Variants in MAN1C1 observed in about 807,000 individuals in gnomAD.
The protein encoded by MAN1C1 is mannosidase alpha class 1C member 1.
MAN1C1 carries 49 observed loss-of-function variants against 71.5 expected under a neutral mutation model. The ratio of observed to expected loss-of-function variants is 0.69; its 90% confidence interval spans 0.54 to 0.87. MAN1C1 has a LOEUF of 0.87. MAN1C1 is among the 40% of genes least tolerant of loss of function. MAN1C1 has a pLI of 0.00. For missense variants in MAN1C1, 743 were observed against 835.0 expected, an observed-to-expected ratio of 0.89 and a Z score of 1.36; for synonymous variants, 352 against 343.7, an observed-to-expected ratio of 1.02 and a Z score of -0.27.
rs2047123824 is a variant in MAN1C1 at position 25,746,048 on chromosome 1, G to A, written c.638-620G>A. On this transcript the variant is annotated intron_variant, in intron 2 of 11. Coordinates refer to ENST00000374332, the MANE Select transcript of MAN1C1 (RefSeq NM_020379.4). This position sits in a 1 kb window ranked among gnomAD's most constrained non-coding sequence, Gnocchi z 4.0. ...ATGAGGTGGCTCACGGCTCACGCCTGTAATCCAGCACTTTGGGAGGCCGAA... is the reference window on the plus strand; with the variant it reads ...ATGAGGTGGCTCACGGCTCACGCCTATAATCCAGCACTTTGGGAGGCCGAA... Among the ~76,000 whole-genome samples the A allele has an allele frequency of 6.6e-6, 1 of 151,922 alleles. No individual in the cohort carries two copies. The highest frequency in any genetic ancestry group is 1.5e-5 in the Non-Finnish European group (1 of 67,998).
intron 2 of MAN1C1, among the ~76,000 whole-genome samples, chr1:25,690,922 A>G (rs1344329044): frequency 6.6e-6 from 1 of 152,240 alleles, no homozygotes; most frequent in Non-Finnish European, 1.5e-5. Flanking sequence ...CCAGCCGTAA[A>G]GTGGCTCAGT....
At chr1:25,621,461 T>C (rs745520070) in intron 1 of MAN1C1, among the ~76,000 whole-genome samples, 1 of 152,160 alleles carries the variant, frequency 6.6e-6, no homozygotes, top group African/African-American at 2.4e-5. Flanking sequence ...ATGGGGGATG[T>C]CATTCATAGG....
intron 2 of MAN1C1, among the ~76,000 whole-genome samples, chr1:25,715,077 G>C (rs1356485011): frequency 1.3e-5 from 2 of 152,128 alleles, no homozygotes; most frequent in East Asian, 3.8e-4. Context: ...TGTTTTCACT[G>C]TCTTCATTCT....
chr1:25,718,860 T>G (rs1355462876), intron 2 of MAN1C1, among the ~76,000 whole-genome samples: 1 of 152,168 alleles, frequency 6.6e-6, no homozygotes, highest in African/African-American at 2.4e-5. Flanking sequence ...TTCCACTTTT[T>G]GGCTACTATG....
chr1:25,697,755 A>T (rs973324188), intron 2 of MAN1C1, among the ~76,000 whole-genome samples: 1 of 152,186 alleles, frequency 6.6e-6, no homozygotes, highest in African/African-American at 2.4e-5. Context: ...TAGGATTTGA[A>T]TTGCTGGGTC....
chr1:25,685,208 G>T (rs1347787708), intron 1 of MAN1C1, among the ~76,000 whole-genome samples: 2 of 152,248 alleles, frequency 1.3e-5, no homozygotes, highest in Non-Finnish European at 2.9e-5. Context: ...GGCCTGCCTT[G>T]TCCCTTGCTA....
intron 2 of MAN1C1, among the ~76,000 whole-genome samples, chr1:25,739,363 G>A (rs1029625926): frequency 1.3e-5 from 2 of 152,186 alleles, no homozygotes; most frequent in African/African-American, 4.8e-5. Flanking sequence ...AAACGTGTGT[G>A]TTGTTTCTTT....
At chr1:25,758,730 TCTTC>T in intron 6 of MAN1C1, 21 bp downstream of exon 6, 1 of 1,596,238 alleles carries the variant, frequency 6.3e-7, no homozygotes, top group Non-Finnish European at 8.6e-7. Flanking sequence ...TCCCCACCCT[TCTTC>T]CTGCGGAGCA....
At chr1:25,686,575 C>T in intron 2 of MAN1C1, 39 bp downstream of exon 2, 2 of 1,560,732 alleles carry the variant, frequency 1.3e-6, no homozygotes, top group Non-Finnish European at 1.8e-6. Flanking sequence ...GGGAGGGACC[C>T]ACCGCCCCGC....
intron 1 of MAN1C1, among the ~76,000 whole-genome samples, chr1:25,657,571 C>T (rs1002609543): frequency 7.9e-5 from 12 of 152,228 alleles, no homozygotes; most frequent in African/African-American, 2.7e-4. Context: ...AGACTAAGGG[C>T]TTCACACTCC....
intron 2 of MAN1C1, among the ~76,000 whole-genome samples, chr1:25,742,892 C>T (rs933689865): frequency 6.6e-6 from 1 of 152,220 alleles, no homozygotes; most frequent in African/African-American, 2.4e-5. Flanking sequence ...TCTCCCTGAC[C>T]TCGTTGCCCT....
intron 2 of MAN1C1, among the ~76,000 whole-genome samples, chr1:25,714,686 T>C (rs908432050): frequency 2.3e-4 from 35 of 152,302 alleles, no homozygotes; most frequent in African/African-American, 7.9e-4. Flanking sequence ...TAGGGGAATT[T>C]TTGCAATGCT....
chr1:25,758,446 A>G (rs1354614253), intron 5 of MAN1C1, 146 bp from the exon 6 acceptor site: 2 of 671,920 alleles, frequency 3.0e-6, no homozygotes, highest in Non-Finnish European at 5.3e-6. Flanking sequence ...GGGGCCAGGG[A>G]GGATTCACTG....
At chr1:25,639,690 A>G (rs545804484) in intron 1 of MAN1C1, among the ~76,000 whole-genome samples, 1 of 152,154 alleles carries the variant, frequency 6.6e-6, no homozygotes, top group Non-Finnish European at 1.5e-5. Flanking sequence ...AATCAAATGC[A>G]TGAACTTCAG....
At chr1:25,706,126 G>A (rs1271358916) in intron 2 of MAN1C1, among the ~76,000 whole-genome samples, 2 of 152,176 alleles carry the variant, frequency 1.3e-5, no homozygotes, top group African/African-American at 2.4e-5. Flanking sequence ...AGCTTCTGAT[G>A]CAAAAGGTTA....
intron 1 of MAN1C1, among the ~76,000 whole-genome samples, chr1:25,629,064 A>T (rs886888790): frequency 6.6e-6 from 1 of 152,186 alleles, no homozygotes; most frequent in African/African-American, 2.4e-5. Context: ...ATGCGTGTAC[A>T]TGTGTCTTTT....
chr1:25,650,836 T>A (rs2045681418), intron 1 of MAN1C1, among the ~76,000 whole-genome samples: 1 of 152,188 alleles, frequency 6.6e-6, no homozygotes, highest in Non-Finnish European at 1.5e-5. Context: ...GACTTGGTTG[T>A]CTCCCTAATC....
chr1:25,776,197 T>C lies in MAN1C1; in HGVS notation c.1258-1908T>C, dbSNP rs1296127822. Among the ~76,000 whole-genome samples, 1 of 150,202 alleles carries C rather than the reference T, an allele frequency of 6.7e-6. No homozygotes were observed. Among genetic ancestry groups the C allele is most frequent in the African/African-American group, 2.4e-5 (1 of 41,014 alleles). ...CCACTGCGTCCAGCCCCTCCCCGCATACCCCTGCATTTTTTAATCTCATCC... is the reference window on the plus strand; with the variant it reads ...CCACTGCGTCCAGCCCCTCCCCGCACACCCCTGCATTTTTTAATCTCATCC... On this transcript the variant is annotated intron_variant, in intron 8 of 11. Coordinates refer to ENST00000374332, the MANE Select transcript of MAN1C1 (RefSeq NM_020379.4). The surrounding 1 kb of genome is among the most constrained non-coding windows in gnomAD (Gnocchi z 4.3).
In MAN1C1 at chr1:25,617,740, G is replaced by A. The variant is rs577170235; in HGVS notation, c.-58G>A. The A allele has an allele frequency of 1.4e-5, 21 of 1,479,424 alleles. No individual in the cohort carries two copies. In the African/African-American group the frequency reaches 2.3e-4, roughly 17 times the overall value. The allele number at this position is 1,479,424 out of a possible 1,614,324, so 91.6% of individuals were successfully genotyped here. ...GCTCCGGACGCCCTCCCCTCACCGC[G>A]CCCCCGCAGACACGTGCCTGGACTC... On this transcript the variant is annotated 5_prime_UTR_variant, in exon 1 of 12. Coordinates refer to ENST00000374332, the MANE Select transcript of MAN1C1 (RefSeq NM_020379.4). The surrounding 1 kb of genome is among the most constrained non-coding windows in gnomAD (Gnocchi z 5.1).
Sources: gnomAD v4.1 joint callset for allele counts (sites outside exome capture counted in the v4.1 genomes callset) on GRCh38, gnomAD v4.1.1 for gene constraint, Gnocchi (gnomAD v3.1) non-coding constraint, MANE v1.5 for transcripts, NCBI Gene and HGNC (gene_info 2026-07-23, HGNC 2026-07-21) for gene names.